RERE: variants seen among roughly 807,000 people sequenced by gnomAD.
RERE encodes the protein arginine-glutamic acid dipeptide repeats.
In RERE, 40 loss-of-function variants were observed where a neutral mutation model predicts 146.1. The observed-to-expected ratio is 0.27, with a 90% CI of 0.21 to 0.36. The LOEUF (loss-of-function observed/expected upper bound fraction) is 0.36, where lower values mean the gene tolerates loss of function less well. Among genes scored for constraint, RERE ranks in the 10% least tolerant of loss-of-function variants. The probability of loss-of-function intolerance (pLI) is 1.00; values close to 1 mark genes in which losing one functional copy is unlikely to be tolerated. For missense variants in RERE, 1,933 were observed against 2,138.7 expected (o/e 0.90, Z 1.90); for synonymous variants, 1,003 against 866.0 (o/e 1.16, Z -2.78).
At chr1:8,710,930 G>C (rs1362073990) in intron 1 of RERE, among the ~76,000 whole-genome samples, 1 of 152,010 alleles carries the variant, frequency 6.6e-6, no homozygotes, top group East Asian at 1.9e-4. Context: ...GCCAAGGCGG[G>C]TGGATCACTT....
intron 4 of RERE, among the ~76,000 whole-genome samples, chr1:8,595,405 T>A (rs1646543398): frequency 6.6e-6 from 1 of 151,942 alleles, no homozygotes; most frequent in Admixed American, 6.6e-5. Context: ...GTTACAACAT[T>A]AAAAAAAGTA....
intron 12 of RERE, among the ~76,000 whole-genome samples, chr1:8,420,623 CTA>C (rs1184917890): frequency 2.0e-5 from 3 of 152,220 alleles, no homozygotes; most frequent in Admixed American, 2.0e-4. Context: ...AGCAAGGACA[CTA>C]TGAATATTTA....
intron 12 of RERE, among the ~76,000 whole-genome samples, chr1:8,398,653 GGGA>G (rs1643141865): frequency 6.6e-6 from 1 of 152,150 alleles, no homozygotes; most frequent in Non-Finnish European, 1.5e-5. Flanking sequence ...TCTAGTGTGG[GGGA>G]GGAGTCTTCC....
At chr1:8,448,030 C>G (rs1430705628) in intron 11 of RERE, among the ~76,000 whole-genome samples, 1 of 152,168 alleles carries the variant, frequency 6.6e-6, no homozygotes, top group Non-Finnish European at 1.5e-5. Context: ...TTCCATCTTT[C>G]TGTGTGCCCC....
At chr1:8,765,148 T>A (rs561936700) in intron 1 of RERE, among the ~76,000 whole-genome samples, 11 of 152,260 alleles carry the variant, frequency 7.2e-5, no homozygotes, top group African/African-American at 2.7e-4. Context: ...AGCCACACAA[T>A]GGACTATGAT....
At chr1:8,475,957 A>T (rs1030155942) in intron 10 of RERE, among the ~76,000 whole-genome samples, 2 of 152,216 alleles carry the variant, frequency 1.3e-5, no homozygotes, top group African/African-American at 4.8e-5. Flanking sequence ...GGAAAAGACA[A>T]AGAATTTAAC....
At position 8,498,742 on chromosome 1, in the gene RERE, C is replaced by T. The variant is rs1194474015; in HGVS notation, c.880-1213G>A. Among the ~76,000 whole-genome samples, 25 of 148,424 alleles carry T rather than the reference C, an allele frequency of 1.7e-4. 1 individual carries two copies. Among genetic ancestry groups the T allele is most frequent in the Non-Finnish European group, 3.1e-4 (21 of 67,040 alleles). On this transcript the variant is annotated intron_variant, in intron 8 of 22. Transcript: ENST00000400908. ...AAAAAAATAAATATATACACACACA[C>T]ACACACACACACACACACACACACA...
rs763858262 is a variant in RERE at position 8,361,287 on chromosome 1, G to C, written c.2220C>G (p.Ala740=). 6 of 1,602,908 alleles carry C rather than the reference G, an allele frequency of 3.7e-6. No individual in the cohort carries two copies. The East Asian group carries it at 1.1e-4, about 30-fold the overall frequency. ...QQQMLQAQPP[A]LQAPTGVTPA... is the part of the protein sequence containing the mutation. ...GGGTGACCCCAGTGGGAGCCTGCAA[G>C]GCTGGGGGCTGGGCCTGCAGCATCT... The change falls in exon 18 of 23, where the codon GCC becomes GCG. Residue 740 remains alanine, a synonymous_variant. Coordinates refer to ENST00000400908, the MANE Select transcript of RERE (RefSeq NM_001042681.2).
intron 21 of RERE, 25 bp from the exon 22 acceptor site, chr1:8,355,624 C>T (rs752077039): frequency 1.9e-6 from 3 of 1,548,918 alleles, no homozygotes; most frequent in Non-Finnish European, 2.6e-6. Context: ...ACAACCTGCG[C>T]TACAGAAATA....
chr1:8,385,451 C>T (rs1642603247), intron 12 of RERE, among the ~76,000 whole-genome samples: 1 of 152,018 alleles, frequency 6.6e-6, no homozygotes, highest in Admixed American at 6.5e-5. Flanking sequence ...GATGCAACTG[C>T]AAAAAACTGA....
chr1:8,398,415 T>TC (rs1258498877), intron 12 of RERE, among the ~76,000 whole-genome samples: 1 of 151,992 alleles, frequency 6.6e-6, no homozygotes, highest in African/African-American at 2.4e-5. Flanking sequence ...CATCTCCCCA[T>TC]CACTCAAGGC....
intron 17 of RERE, 88 bp from the exon 18 acceptor site, chr1:8,361,578 T>C (rs1199343550): frequency 1.3e-6 from 2 of 1,526,674 alleles, no homozygotes; most frequent in African/African-American, 1.4e-5. Context: ...ACAGTAATGT[T>C]TGTGCAGATG....
At chr1:8,597,918 C>G (rs1246958082) in intron 4 of RERE, among the ~76,000 whole-genome samples, 4 of 152,028 alleles carry the variant, frequency 2.6e-5, no homozygotes, top group African/African-American at 7.2e-5. Context: ...TAAGAAATAG[C>G]AGGAAGGTAT....
chr1:8,356,433 A>G lies in RERE; in HGVS notation c.4340-187T>C, dbSNP rs1261077099. Among the ~76,000 whole-genome samples, 1 of 152,146 alleles carries G rather than the reference A, an allele frequency of 6.6e-6. No individual in the cohort carries two copies. Among genetic ancestry groups the G allele is most frequent in the Non-Finnish European group, 1.5e-5 (1 of 68,006 alleles). On this transcript the variant is annotated intron_variant, in intron 20 of 22. Coordinates refer to ENST00000400908, the MANE Select transcript of RERE (RefSeq NM_001042681.2). This position sits in a 1 kb window ranked among gnomAD's most constrained non-coding sequence, Gnocchi z 5.2. ...TGCCTCCACCTTCAGCAAGAGCTCC[A>G]GAGGCCGAGAGAAGTGACGAGCCCA...
chr1:8,699,364 TA>T (rs1210370194), intron 1 of RERE, among the ~76,000 whole-genome samples: 1 of 152,228 alleles, frequency 6.6e-6, no homozygotes, highest in Non-Finnish European at 1.5e-5. Context: ...CTGTACTGAA[TA>T]AATTAATGAA....
chr1:8,382,458 A>G (rs1390458570), intron 12 of RERE, among the ~76,000 whole-genome samples: 1 of 152,288 alleles, frequency 6.6e-6, no homozygotes, highest in East Asian at 1.9e-4. Context: ...GTGCGTGTGC[A>G]TGAGAGAGCG....
chr1:8,539,268 A>G (rs192521708), intron 7 of RERE, among the ~76,000 whole-genome samples: 2 of 152,376 alleles, frequency 1.3e-5, no homozygotes, highest in Admixed American at 1.3e-4. Context: ...ATAAATGCAT[A>G]TGTAAAATAA....
intron 8 of RERE, among the ~76,000 whole-genome samples, chr1:8,498,022 T>C (rs1645068529): frequency 6.6e-6 from 1 of 152,190 alleles, no homozygotes; most frequent in Non-Finnish European, 1.5e-5. Flanking sequence ...GCAATATAAG[T>C]CATGGTCAAT....
intron 1 of RERE, among the ~76,000 whole-genome samples, chr1:8,729,806 T>C (rs1033108741): frequency 6.6e-6 from 1 of 152,166 alleles, no homozygotes; most frequent in East Asian, 1.9e-4. Context: ...AATGAAATTA[T>C]GGGAACTCAT....
Sources: gnomAD v4.1 joint callset for allele counts (sites outside exome capture counted in the v4.1 genomes callset) on GRCh38, gnomAD v4.1.1 for gene constraint, Gnocchi (gnomAD v3.1) non-coding constraint, MANE v1.5 for transcripts, NCBI Gene and HGNC (gene_info 2026-07-23, HGNC 2026-07-21) for gene names.